The following ATOH8 variants were observed in gnomAD, a reference collection of about 807,000 sequenced individuals.
ATOH8 encodes the protein transcription factor ATOH8.
Under a neutral mutation model 21.2 loss-of-function variants are expected in ATOH8, and 9 were observed. That is an observed-to-expected ratio of 0.42 (90% CI 0.26 to 0.74). The LOEUF is 0.74. ATOH8 is among the 30% of genes least tolerant of loss of function. The probability of loss-of-function intolerance (pLI) is 0.24; values close to 1 mark genes in which losing one functional copy is unlikely to be tolerated. For synonymous variants in ATOH8, 253 were observed against 224.0 expected (o/e 1.13, Z -1.16); for missense variants, 524 against 470.9 (o/e 1.11, Z -1.04).
chr2:85,769,973 A>C (rs1485495508), intron 2 of ATOH8, among the ~76,000 whole-genome samples: 1 of 152,078 alleles, frequency 6.6e-6, no homozygotes, highest in Non-Finnish European at 1.5e-5. Context: ...GCCCACCTAA[A>C]TCCTCTTTCT....
intron 2 of ATOH8, among the ~76,000 whole-genome samples, chr2:85,770,282 T>G (rs1202435291): frequency 6.6e-6 from 1 of 151,972 alleles, no homozygotes; most frequent in East Asian, 1.9e-4. Context: ...CTAACAGAGG[T>G]GTGTGCCCCC....
Position 85,787,186 on chromosome 2 carries a change from CAA to C in ATOH8, c.*298_*299del. ...CTGTCCAGCTGCAGAAATTCGTTGC[CAA>C]AGATTGGACAGAGACACCGAAGGAA... On this transcript the variant is annotated 3_prime_UTR_variant, in exon 3 of 3. Transcript: ENST00000306279. The C allele has an allele frequency of 2.3e-6, 1 of 429,800 alleles. No homozygotes were observed. Among genetic ancestry groups the C allele is most frequent in the Non-Finnish European group, 4.2e-6 (1 of 240,140 alleles). The allele number at this position is 429,800 out of a possible 1,614,324, so 26.6% of individuals were successfully genotyped here. A position where few individuals can be genotyped will look rare whatever the true frequency, so the allele number is the denominator to read the frequency against.
chr2:85,778,050 C>CT (rs1680378134), intron 2 of ATOH8, among the ~76,000 whole-genome samples: 1 of 152,266 alleles, frequency 6.6e-6, no homozygotes, highest in Non-Finnish European at 1.5e-5. Flanking sequence ...CATGTAGCTA[C>CT]TAAGCACTGA....
Position 85,790,573 on chromosome 2 carries a change from G to A in ATOH8, c.*3683G>A, listed in dbSNP as rs561270454. ...CTGTCTCCATGGCCACATCCTTCAA[G>A]GCTCTGTGCTGTTCTCTTTTTTTCT... On this transcript the variant is annotated 3_prime_UTR_variant, in exon 3 of 3. Coordinates refer to ENST00000306279, the MANE Select transcript of ATOH8 (RefSeq NM_032827.7). Among the ~76,000 whole-genome samples the A allele has an allele frequency of 5.9e-5, 9 of 152,340 alleles. No homozygotes were observed. The South Asian group carries it at 1.4e-3, about 25-fold the overall frequency.
rs2104489648 is a variant in ATOH8, at chr2:85,754,912, G to A, written c.723G>A (p.Thr241=). The A allele has an allele frequency of 6.2e-7, 1 of 1,608,968 alleles. No homozygotes were observed. Among genetic ancestry groups the A allele is most frequent in the Admixed American group, 1.7e-5 (1 of 59,912 alleles). The change falls in exon 1 of 3, where the codon ACG becomes ACA. Residue 241 remains threonine, a synonymous_variant. Transcript: ENST00000306279. ...TCCTGGCGAACGCCAGGGAGCGGAC[G>A]CGGGTGCACACCATCAGCGCAGCCT... ...RRLLANARER[T]RVHTISAAFE...
intron 2 of ATOH8, among the ~76,000 whole-genome samples, chr2:85,767,579 C>CCCCG (rs1680052039): frequency 7.9e-6 from 1 of 126,278 alleles, no homozygotes; most frequent in Non-Finnish European, 1.7e-5. Flanking sequence ...CCCCTCCCCT[C>CCCCG]TCCTTCCCTT....
intron 1 of ATOH8, among the ~76,000 whole-genome samples, chr2:85,763,317 T>C (rs1188354297): frequency 1.3e-5 from 2 of 152,170 alleles, no homozygotes; most frequent in African/African-American, 4.8e-5. Context: ...AGCTAGTTGG[T>C]GATGAATCAT....
At position 85,754,843 on chromosome 2, in the gene ATOH8, T is replaced by G; in HGVS notation, c.654T>G (p.Thr218=). The G allele has an allele frequency of 1.2e-6, 2 of 1,612,516 alleles. No homozygotes were observed. Among genetic ancestry groups the G allele is most frequent in the Non-Finnish European group, 1.7e-6 (2 of 1,179,900 alleles). ...CTAGGAAACGACCGGGCGAAGCGAC[T>G]GCCGCCTCCTCCGAGATCAAAGCCC... ...ASPRKRPGEA[T]AASSEIKALQ... is the part of the protein sequence containing the mutation. Residue 218 remains threonine (T), a synonymous_variant, in exon 1 of 3, where the codon ACT becomes ACG. Coordinates refer to ENST00000306279, the MANE Select transcript of ATOH8 (RefSeq NM_032827.7).
At chr2:85,769,432 G>C (rs1229340754) in intron 2 of ATOH8, among the ~76,000 whole-genome samples, 1 of 152,224 alleles carries the variant, frequency 6.6e-6, no homozygotes, top group Non-Finnish European at 1.5e-5. Context: ...GGAAGGCGGG[G>C]TCTGCAGGGC....
intron 2 of ATOH8, among the ~76,000 whole-genome samples, chr2:85,783,104 C>T (rs1250447736): frequency 1.3e-5 from 2 of 152,210 alleles, no homozygotes; most frequent in African/African-American, 2.4e-5. Flanking sequence ...TGACTATAAA[C>T]AAGTGAACAG....
chr2:85,759,124 AG>A (rs1202664842), intron 1 of ATOH8, among the ~76,000 whole-genome samples: 1 of 152,138 alleles, frequency 6.6e-6, no homozygotes, highest in Non-Finnish European at 1.5e-5. Flanking sequence ...GGAGCTTCCC[AG>A]GGGGTCTTCA....
intron 2 of ATOH8, 129 bp from the exon 3 acceptor site, chr2:85,786,756 A>T: frequency 1.6e-6 from 2 of 1,226,314 alleles, no homozygotes; most frequent in Non-Finnish European, 2.4e-6. Context: ...TGGCTCTTCC[A>T]CTTATCGAAC....
At chr2:85,768,250 C>T (rs1008649222) in intron 2 of ATOH8, among the ~76,000 whole-genome samples, 1 of 152,204 alleles carries the variant, frequency 6.6e-6, no homozygotes, top group Admixed American at 6.5e-5. Flanking sequence ...CAATGAGCCA[C>T]GCTTGCCGCT....
At chr2:85,770,579 C>T (rs1010389332) in intron 2 of ATOH8, among the ~76,000 whole-genome samples, 10 of 152,234 alleles carry the variant, frequency 6.6e-5, no homozygotes, top group Non-Finnish European at 1.5e-4. Context: ...CTCTCAGCTG[C>T]CGTTTCTCTT....
At chr2:85,769,725 C>G (rs1680128173) in intron 2 of ATOH8, among the ~76,000 whole-genome samples, 1 of 152,136 alleles carries the variant, frequency 6.6e-6, no homozygotes, top group Admixed American at 6.5e-5. Flanking sequence ...GTCTGGATAG[C>G]TGAGCCCAGG....
At chr2:85,762,950 T>G (rs1335686447) in intron 1 of ATOH8, among the ~76,000 whole-genome samples, 3 of 152,132 alleles carry the variant, frequency 2.0e-5, no homozygotes, top group Non-Finnish European at 4.4e-5. Flanking sequence ...GGGCGCTCAC[T>G]AAATACTTGT....
intron 2 of ATOH8, among the ~76,000 whole-genome samples, chr2:85,767,380 G>A (rs1209547534): frequency 6.6e-6 from 1 of 151,848 alleles, no homozygotes; most frequent in African/African-American, 2.4e-5. Flanking sequence ...CCACAGCCTG[G>A]GAGCCAGGCA....
rs1680678939 is a variant in ATOH8, at chr2:85,788,384, C to T, written c.*1494C>T. Among the ~76,000 whole-genome samples the T allele has an allele frequency of 6.6e-6, 1 of 152,072 alleles. No individual in the cohort carries two copies. Among genetic ancestry groups the T allele is most frequent in the African/African-American group, 2.4e-5 (1 of 41,388 alleles). On this transcript the variant is annotated 3_prime_UTR_variant, in exon 3 of 3. Coordinates refer to ENST00000306279, the MANE Select transcript of ATOH8 (RefSeq NM_032827.7). ...TAACCCCGTTTCACAGATGGGGTAA[C>T]TGAGGCCTCAAGTAGACAGGGTCAG...
chr2:85,766,128 G>A lies in ATOH8; in HGVS notation c.960+1946G>A, dbSNP rs1680008947. Among the ~76,000 whole-genome samples the A allele has an allele frequency of 6.6e-6, 1 of 152,170 alleles. No individual in the cohort carries two copies. The highest frequency in any genetic ancestry group is 1.5e-5 in the Non-Finnish European group (1 of 68,030). Reference sequence around the variant, plus strand: ...CTCACTCATGGGCCACCGTGAAGATGAAAGGAGTTACTGCAGGAGAGCGTG... The same window carrying A: ...CTCACTCATGGGCCACCGTGAAGATAAAAGGAGTTACTGCAGGAGAGCGTG... On this transcript the variant is annotated intron_variant, in intron 2 of 2. Transcript: ENST00000306279. The surrounding 1 kb of genome is among the most constrained non-coding windows in gnomAD (Gnocchi z 4.0).
Sources: allele counts gnomAD v4.1 joint callset (sites outside exome capture counted in the v4.1 genomes callset), GRCh38; gene constraint gnomAD v4.1.1; non-coding constraint Gnocchi (gnomAD v3.1); transcripts MANE v1.5; gene names NCBI Gene and HGNC (gene_info 2026-07-23, HGNC 2026-07-21).